CNTN5: variants seen among roughly 807,000 people sequenced by gnomAD.
CNTN5 encodes the protein contactin 5.
A neutral mutation model predicts 129.1 loss-of-function variants in CNTN5; 77 were observed. The observed-to-expected ratio is 0.60, with a 90% CI of 0.50 to 0.72. The LOEUF (loss-of-function observed/expected upper bound fraction) is 0.72. Ranked by LOEUF, CNTN5 falls within the 30% of genes least tolerant of loss-of-function variation. CNTN5 has a pLI of 0.00. For missense variants in CNTN5, 1,478 were observed against 1,328.8 expected (o/e 1.11, Z -1.75); for synonymous variants, 509 against 465.6 (o/e 1.09, Z -1.20).
At chr11:99,934,357 C>A (rs1950258975) in intron 7 of CNTN5, among the ~76,000 whole-genome samples, 1 of 152,076 alleles carries the variant, frequency 6.6e-6, no homozygotes, top group African/African-American at 2.4e-5. Context: ...TTGTAACCAG[C>A]CACATATATT....
intron 1 of CNTN5, among the ~76,000 whole-genome samples, chr11:99,021,983 G>A (rs1428976830): frequency 6.6e-6 from 1 of 152,102 alleles, no homozygotes; most frequent in African/African-American, 2.4e-5. Context: ...ATTTATTTGC[G>A]AAAGAACCAG....
At chr11:99,080,154 A>G (rs1453057840) in intron 1 of CNTN5, among the ~76,000 whole-genome samples, 1 of 152,216 alleles carries the variant, frequency 6.6e-6, no homozygotes, top group East Asian at 1.9e-4. Context: ...GAAAATTCAT[A>G]GGAAGAAGAG....
chr11:99,600,978 T>C (rs1950294967), intron 3 of CNTN5, among the ~76,000 whole-genome samples: 1 of 152,204 alleles, frequency 6.6e-6, no homozygotes, highest in African/African-American at 2.4e-5. Context: ...TGTAATTGGC[T>C]TAGGACCCTT....
At chr11:100,261,408 A>G (rs1285505865) in intron 17 of CNTN5, among the ~76,000 whole-genome samples, 1 of 152,224 alleles carries the variant, frequency 6.6e-6, no homozygotes, top group Non-Finnish European at 1.5e-5. Context: ...CTCCTCATCA[A>G]GCTGTCATTG....
chr11:99,164,683 C>T (rs949333326), intron 1 of CNTN5, among the ~76,000 whole-genome samples: 3 of 152,066 alleles, frequency 2.0e-5, no homozygotes, highest in African/African-American at 7.2e-5. Flanking sequence ...GCTATTTTCC[C>T]TGATAATTTT....
intron 1 of CNTN5, among the ~76,000 whole-genome samples, chr11:99,081,073 C>T: frequency 6.8e-6 from 1 of 147,844 alleles, no homozygotes; most frequent in East Asian, 2.1e-4. Flanking sequence ...TTTCCAAATG[C>T]ATATGCAGCC....
intron 1 of CNTN5, among the ~76,000 whole-genome samples, chr11:99,058,679 C>T (rs191351189): frequency 6.6e-6 from 1 of 151,952 alleles, no homozygotes; most frequent in East Asian, 2.0e-4. Flanking sequence ...GCTGTGTGTC[C>T]TATGCTTGCT....
At chr11:100,131,723 C>A (rs1946384598) in intron 13 of CNTN5, among the ~76,000 whole-genome samples, 1 of 152,010 alleles carries the variant, frequency 6.6e-6, no homozygotes, top group South Asian at 2.1e-4. Flanking sequence ...AAGAACTTTT[C>A]AAGAAACTGG....
intron 2 of CNTN5, among the ~76,000 whole-genome samples, chr11:99,378,075 A>G (rs998031038): frequency 2.0e-5 from 3 of 152,160 alleles, no homozygotes; most frequent in Non-Finnish European, 4.4e-5. Context: ...ATACAAATCT[A>G]AGAACAAACA....
intron 9 of CNTN5, among the ~76,000 whole-genome samples, chr11:100,036,377 A>G: frequency 6.6e-6 from 1 of 151,932 alleles, no homozygotes; most frequent in East Asian, 1.9e-4. Context: ...GTAGCTTTGT[A>G]GTATATTTTG....
At chr11:100,233,559 TA>T (rs1299901243) in intron 16 of CNTN5, among the ~76,000 whole-genome samples, 6 of 152,216 alleles carry the variant, frequency 3.9e-5, no homozygotes, top group African/African-American at 1.4e-4. Context: ...GAGACAATAG[TA>T]TTAGTAATGA....
intron 13 of CNTN5, among the ~76,000 whole-genome samples, chr11:100,166,018 C>G (rs1565306306): frequency 6.6e-6 from 1 of 151,644 alleles, no homozygotes; most frequent in African/African-American, 2.4e-5. Context: ...GTAGTTTTCT[C>G]TGTTCCAGTT....
intron 3 of CNTN5, among the ~76,000 whole-genome samples, chr11:99,561,815 G>A (rs1413263915): frequency 5.8e-5 from 2 of 34,456 alleles, no homozygotes; most frequent in East Asian, 1.0e-3. Context: ...TAAATGTAAT[G>A]AGGTATATTG....
At chr11:99,362,131 G>A (rs12282050) in intron 2 of CNTN5, among the ~76,000 whole-genome samples, 1 of 152,030 alleles carries the variant, frequency 6.6e-6, no homozygotes, top group African/African-American at 2.4e-5. Flanking sequence ...AATAACACAT[G>A]TTATATTCTA....
At chr11:100,169,391 C>G (rs968476230) in intron 13 of CNTN5, among the ~76,000 whole-genome samples, 1 of 151,834 alleles carries the variant, frequency 6.6e-6, no homozygotes, top group South Asian at 2.1e-4. Context: ...ACTGGACAAG[C>G]CATTTAATAT....
chr11:100,151,664 C>T (rs182333839), intron 13 of CNTN5, among the ~76,000 whole-genome samples: 57 of 152,278 alleles, frequency 3.7e-4, no homozygotes, highest in Middle Eastern at 3.4e-3. Flanking sequence ...TAAATCTATT[C>T]CCGCTCTACC....
intron 1 of CNTN5, among the ~76,000 whole-genome samples, chr11:99,150,156 T>G (rs1360718519): frequency 1.3e-5 from 2 of 152,080 alleles, no homozygotes. Context: ...ACATGTTAAA[T>G]TTTAGGAAGT....
intron 13 of CNTN5, among the ~76,000 whole-genome samples, chr11:100,079,107 G>A (rs1944260818): frequency 6.6e-6 from 1 of 152,098 alleles, no homozygotes; most frequent in Non-Finnish European, 1.5e-5. Flanking sequence ...AGAACAGCGT[G>A]CGGAATACCA....
intron 15 of CNTN5, among the ~76,000 whole-genome samples, chr11:100,206,784 T>A (rs1175498089): frequency 6.6e-6 from 1 of 152,080 alleles, no homozygotes; most frequent in Non-Finnish European, 1.5e-5. Context: ...AAACAATAAA[T>A]TTTTTTAGGA....
Sources: gnomAD v4.1 joint callset for allele counts (sites outside exome capture counted in the v4.1 genomes callset) on GRCh38, gnomAD v4.1.1 for gene constraint, MANE v1.5 for transcripts, NCBI Gene and HGNC (gene_info 2026-07-23, HGNC 2026-07-21) for gene names.